CCDC88B: variants seen among roughly 807,000 people sequenced by gnomAD.
CCDC88B encodes the protein coiled-coil domain-containing protein 88B.
CCDC88B carries 138 observed loss-of-function variants against 183.7 expected under a neutral mutation model. The ratio of observed to expected loss-of-function variants is 0.75; its 90% CI spans 0.65 to 0.87. The LOEUF (loss-of-function observed/expected upper bound fraction) is 0.87, where lower values mean the gene tolerates loss of function less well. Among genes scored for constraint, CCDC88B ranks in the 40% least tolerant of loss-of-function variants. The pLI is 0.00. For synonymous variants in CCDC88B, 835 were observed against 867.5 expected (o/e 0.96, Z 0.66); for missense variants, 1,822 against 1,965.6 (o/e 0.93, Z 1.38).
chr11:64,340,539 A>G, intron 1 of CCDC88B, 68 bp from the exon 2 acceptor site: 1 of 1,554,362 alleles, frequency 6.4e-7, no homozygotes, highest in East Asian at 2.2e-5. Context: ...GCTTGGGCTC[A>G]CTGGGGCAGG....
rs1263480982 is a variant in CCDC88B, at chr11:64,343,795, G to A, written c.1336G>A (p.Ala446Thr). Residue 446 changes from alanine to threonine, a missense_variant, in exon 13 of 27, where the codon GCC becomes ACC. Transcript: ENST00000356786. ...ATCCTCAGCACCCCTAGCAGGAGCG[G>A]CCCCCTCGCTGCAAGATGAGGTGAG... is the stretch of plus-strand genomic sequence containing the variant. ...SPGEAPLAGAAPSLQDEVREA... is the reference protein window; with the variant it reads ...SPGEAPLAGATPSLQDEVREA... The A allele has an allele frequency of 6.3e-7, 1 of 1,579,850 alleles. No homozygotes were observed. Among genetic ancestry groups the A allele is most frequent in the South Asian group, 1.2e-5 (1 of 86,600 alleles).
At chr11:64,340,790 T>G (rs71456309) in intron 2 of CCDC88B, 38 bp downstream of exon 2, 232,943 of 1,575,454 alleles carry the variant, frequency 0.15, 18,150 homozygotes, top group Middle Eastern at 0.18. Flanking sequence ...CGGGGAAGGA[T>G]CTGAGAGGAG....
Position 64,355,549 on chromosome 11 carries a change from G to C in CCDC88B, c.4307-11G>C. The C allele has an allele frequency of 6.2e-7, 1 of 1,613,020 alleles. No individual in the cohort carries two copies. The highest frequency in any genetic ancestry group is 8.5e-7 in the Non-Finnish European group (1 of 1,179,746). ...TGGCCCTGGGCCCAGTGGTTGCCTTGTGCCTCCCAGGACCTGGTGTGGGAT... is the reference window on the plus strand; with the variant it reads ...TGGCCCTGGGCCCAGTGGTTGCCTTCTGCCTCCCAGGACCTGGTGTGGGAT... On this transcript the variant is annotated splice_polypyrimidine_tract_variant and intron_variant, in intron 25 of 26. Transcript: ENST00000356786.
Position 64,341,543 on chromosome 11 carries a change from C to T in CCDC88B, c.531+39C>T. On this transcript the variant is annotated intron_variant, in intron 6 of 26. Coordinates refer to ENST00000356786, the MANE Select transcript of CCDC88B (RefSeq NM_032251.6). ...TCGGCAGCCCAGACTGGTATGGCAC[C>T]TGGGACGCCCTTGCCACACCGCGGC... The T allele has an allele frequency of 3.7e-6, 6 of 1,612,062 alleles. 1 individual carries two copies. The South Asian group carries it at 6.6e-5, about 18-fold the overall frequency.
chr11:64,350,415 T>A (rs1165341805), intron 16 of CCDC88B: 1 of 152,248 alleles, frequency 6.6e-6, no homozygotes, highest in Non-Finnish European at 1.5e-5. Context: ...ACGCCTGTAA[T>A]CCCAGCACTT....
Position 64,341,331 on chromosome 11 carries a change from G to A in CCDC88B, c.447+3G>A. 6.2e-7 allele frequency: 1 copy of A among 1,614,094 alleles called. No individual in the cohort carries two copies. Among genetic ancestry groups the A allele is most frequent in the East Asian group, 2.2e-5 (1 of 44,860 alleles). On this transcript the variant is annotated splice_donor_region_variant and intron_variant, in intron 5 of 26. Transcript: ENST00000356786. ...TACTGTTGGGAGCGTCAGTACAGGT[G>A]AGCCGGCGGTGGGAAGGAAAGGTTA...
At chr11:64,340,403 G>A in intron 1 of CCDC88B, 77 bp downstream of exon 1, 7 of 1,282,158 alleles carry the variant, frequency 5.5e-6, no homozygotes, top group Non-Finnish European at 7.1e-6. Flanking sequence ...CTGGCCGGGG[G>A]AGGGTGAGGC....
intron 6 of CCDC88B, 36 bp from the exon 7 acceptor site, chr11:64,341,563 C>G (rs746657628): frequency 6.2e-7 from 1 of 1,609,304 alleles, no homozygotes; most frequent in South Asian, 1.1e-5. Context: ...CTTGCCACAC[C>G]GCGGCTTCCA....
rs780814192 is a variant in CCDC88B, at chr11:64,348,985, C to G, written c.2617-346C>G. 3 of 717,508 alleles carry G rather than the reference C, an allele frequency of 4.2e-6. No individual in the cohort carries two copies. In the Admixed American group the frequency reaches 6.0e-5, roughly 14 times the overall value. 44.4% of individuals were successfully genotyped at this position (717,508 alleles called of 1,614,324 possible). ...CTCTAGCTGTCTCGCTGTCACATGG[C>G]TGGGGTGGCAGCCCACCGGGCGCAT... On this transcript the variant is annotated intron_variant, in intron 14 of 26. Coordinates refer to ENST00000356786, the MANE Select transcript of CCDC88B (RefSeq NM_032251.6).
rs61886888 is a variant in CCDC88B, at chr11:64,357,150, G to A, written c.*56G>A. The A allele has an allele frequency of 0.16, 260,015 of 1,602,204 alleles. 23,521 individuals are homozygous for A. The highest frequency in any genetic ancestry group is 0.18 in the Non-Finnish European group (213,345 of 1,169,462). ...GCCTTCTCGGCACTGGAGTGTCAGC[G>A]GAGGCCCCAGGCAGCCCAAGAGCTC... On this transcript the variant is annotated 3_prime_UTR_variant, in exon 27 of 27. Transcript: ENST00000356786.
At chr11:64,350,519 A>C (rs920086908) in intron 16 of CCDC88B, 5 of 152,026 alleles carry the variant, frequency 3.3e-5, no homozygotes, top group African/African-American at 1.2e-4. Context: ...ATACAACAAC[A>C]ACAACAAAAA....
intron 1 of CCDC88B, 107 bp downstream of exon 1, chr11:64,340,433 G>A (rs1185221737): frequency 7.6e-6 from 10 of 1,313,848 alleles, no homozygotes; most frequent in African/African-American, 1.5e-5. Flanking sequence ...CCGGAGGGGA[G>A]GGCTGGGTTC....
intron 18 of CCDC88B, 56 bp from the exon 19 acceptor site, chr11:64,352,074 C>T (rs369332559): frequency 4.0e-5 from 60 of 1,514,428 alleles, no homozygotes; most frequent in East Asian, 3.4e-4. Context: ...GCCTCTCACT[C>T]GATTTCCAGC....
rs1355377691 is a variant in CCDC88B, at chr11:64,342,927, G to T, written c.1062+247G>T. 406 of 505,502 alleles carry T rather than the reference G, an allele frequency of 8.0e-4. 4 individuals carry two copies. The highest frequency in any genetic ancestry group is 4.6e-4 in the Non-Finnish European group (134 of 288,290). The allele number at this position is 505,502 out of a possible 1,614,324, so 31.3% of individuals were successfully genotyped here. On this transcript the variant is annotated intron_variant, in intron 10 of 26. Coordinates refer to ENST00000356786, the MANE Select transcript of CCDC88B (RefSeq NM_032251.6). ...CTTGGAAGGAGGGCTGTTCCCGGGG[G>T]GGAGGGGCGGGGCATGGACAGAAGG...
intron 7 of CCDC88B, 104 bp downstream of exon 7, chr11:64,341,846 T>G: frequency 2.8e-4 from 208 of 741,356 alleles, no homozygotes; most frequent in Middle Eastern, 4.5e-4. Flanking sequence ...GGCATGGGGT[T>G]GTGGTCTGAG....
chr11:64,347,504 G>C (rs1384819762), intron 14 of CCDC88B, among the ~76,000 whole-genome samples: 1 of 152,210 alleles, frequency 6.6e-6, no homozygotes, highest in Non-Finnish European at 1.5e-5. Flanking sequence ...GACCCATTAT[G>C]AGGATGGGGG....
At chr11:64,342,176 G>C in intron 8 of CCDC88B, 37 bp downstream of exon 8, 1 of 1,600,250 alleles carries the variant, frequency 6.2e-7, no homozygotes, top group Non-Finnish European at 8.5e-7. Flanking sequence ...ACTGAGTGGA[G>C]AGGGGCAGAT....
At chr11:64,351,352 G>A in intron 17 of CCDC88B, 97 bp downstream of exon 17, 11 of 1,514,148 alleles carry the variant, frequency 7.3e-6, no homozygotes, top group Non-Finnish European at 9.8e-6. Context: ...CCCGTGCAGT[G>A]TGAGTGTGGA....
In CCDC88B at chr11:64,352,163, GAGCT is replaced by G; in HGVS notation, c.3134_3137del (p.Glu1045GlyfsTer47). 6.3e-7 allele frequency: 1 copy of G among 1,598,938 alleles called. No individual in the cohort carries two copies. Among genetic ancestry groups the G allele is most frequent in the Non-Finnish European group, 8.6e-7 (1 of 1,169,442 alleles). On this transcript the variant is annotated frameshift_variant, in exon 19 of 27. Coordinates refer to ENST00000356786, the MANE Select transcript of CCDC88B (RefSeq NM_032251.6). LOFTEE classifies it high-confidence loss of function. ...GTCTGTGCTGGAGATTCAGGGCCAG[GAGCT>G]GCACCGGAAGCTGGAGGTGCTGGAG... is the stretch of plus-strand genomic sequence containing the variant.
Sources: gnomAD v4.1 joint callset for allele counts (sites outside exome capture counted in the v4.1 genomes callset) on GRCh38, gnomAD v4.1.1 for gene constraint, MANE v1.5 for transcripts, NCBI Gene and HGNC (gene_info 2026-07-23, HGNC 2026-07-21) for gene names.